CACNB2: variants seen among roughly 807,000 people sequenced by gnomAD.
The protein encoded by CACNB2 is voltage-dependent L-type calcium channel subunit beta-2.
Under a neutral mutation model 73.3 loss-of-function variants are expected in CACNB2, and 42 were observed. The ratio of observed to expected loss-of-function variants is 0.57; its 90% CI spans 0.45 to 0.74. CACNB2 has a LOEUF of 0.74. Among genes scored for constraint, CACNB2 ranks in the 30% least tolerant of loss-of-function variants. CACNB2 has a pLI of 0.00. For synonymous variants in CACNB2, 348 were observed against 310.3 expected, an observed-to-expected ratio of 1.12 and a Z score of -1.28; for missense variants, 940 against 853.0, an observed-to-expected ratio of 1.10 and a Z score of -1.27.
intron 2 of CACNB2, among the ~76,000 whole-genome samples, chr10:18,303,992 G>A (rs2039629998): frequency 6.6e-6 from 1 of 152,314 alleles, no homozygotes; most frequent in East Asian, 1.9e-4. Context: ...GTCTTGCTCT[G>A]TCATCCAGGC....
chr10:18,375,323 C>T (rs1327801389), intron 2 of CACNB2, among the ~76,000 whole-genome samples: 2 of 152,186 alleles, frequency 1.3e-5, no homozygotes, highest in Admixed American at 1.3e-4. Flanking sequence ...GAAAAAGATA[C>T]ATGTATCTTT....
intron 3 of CACNB2, among the ~76,000 whole-genome samples, chr10:18,456,871 A>G (rs76875326): frequency 0.051 from 7,768 of 152,164 alleles, 274 homozygotes; most frequent in East Asian, 0.1. Flanking sequence ...ATATACCACA[A>G]TTGGGTTTAT....
chr10:18,237,902 T>C (rs879601900), intron 2 of CACNB2, among the ~76,000 whole-genome samples: 2 of 152,244 alleles, frequency 1.3e-5, no homozygotes, highest in Non-Finnish European at 2.9e-5. Context: ...TTTGCTATGC[T>C]AACAAGGCTG....
In CACNB2 at chr10:18,518,399, T is replaced by G. The variant is rs1206843343; in HGVS notation, c.868T>G (p.Ser290Ala). 10 of 1,611,352 alleles carry G rather than the reference T, an allele frequency of 6.2e-6. No individual in the cohort carries two copies. Among genetic ancestry groups the G allele is most frequent in the Non-Finnish European group, 8.5e-6 (10 of 1,177,540 alleles). The stretch of plus-strand genomic sequence containing the variant: ...GCGACCAGTGGTCCTAGTGGGCCCT[T>G]CTCTGAAGGGCTACGAGGTGGGTAG... ...SMRPVVLVGP[S>A]LKGYEVTDMM... The change falls in exon 8 of 14, where the codon TCT (serine) becomes GCT (alanine). Residue 290 changes from serine (S) to alanine (A), a missense_variant. Transcript: ENST00000324631.
At chr10:18,157,079 GT>G (rs920932991) in intron 2 of CACNB2, among the ~76,000 whole-genome samples, 65 of 143,216 alleles carry the variant, frequency 4.5e-4, no homozygotes, top group African/African-American at 1.6e-3. Flanking sequence ...AAAAAAAAAA[GT>G]GAACTGTGGT....
intron 7 of CACNB2, among the ~76,000 whole-genome samples, chr10:18,515,326 CT>C (rs1009110137): frequency 2.0e-5 from 2 of 99,116 alleles, no homozygotes; most frequent in African/African-American, 7.9e-5. Flanking sequence ...CCAAATTTCC[CT>C]TTTTTTCCCC....
Position 18,218,591 on chromosome 10 carries a change from A to T in CACNB2, c.213+67616A>T, listed in dbSNP as rs116695210. Among the ~76,000 whole-genome samples the T allele has an allele frequency of 1.5e-3, 234 of 152,316 alleles. 2 individuals carry two copies. Among genetic ancestry groups the T allele is most frequent in the African/African-American group, 5.4e-3 (226 of 41,580 alleles). ...GTCTGAAATTTATCTGCTATTCAAA[A>T]TACTTCTGGGCAGGGCACAGTGGCT... On this transcript the variant is annotated intron_variant, in intron 2 of 13. Transcript: ENST00000324631.
Position 18,286,598 on chromosome 10 carries a change from C to T in CACNB2, c.214-115326C>T, listed in dbSNP as rs906621118. ...TTATCATGTTATCTATCTAACCATCCGTCATCAATCTTAATGTTTTTATGC... is the reference window on the plus strand; with the variant it reads ...TTATCATGTTATCTATCTAACCATCTGTCATCAATCTTAATGTTTTTATGC... On this transcript the variant is annotated intron_variant, in intron 2 of 13. Transcript: ENST00000324631. Among the ~76,000 whole-genome samples, 9 of 149,642 alleles carry T rather than the reference C, an allele frequency of 6.0e-5. No individual in the cohort carries two copies. The East Asian group carries it at 7.9e-4, about 13-fold the overall frequency.
intron 2 of CACNB2, among the ~76,000 whole-genome samples, chr10:18,275,004 T>A (rs193279933): frequency 4.6e-5 from 7 of 152,346 alleles, no homozygotes; most frequent in Admixed American, 1.3e-4. Flanking sequence ...TGATTTGGAC[T>A]CTACTCCACA....
intron 2 of CACNB2, among the ~76,000 whole-genome samples, chr10:18,171,633 T>TACACATCACCGTTC (rs1554764742): frequency 5.9e-4 from 89 of 150,012 alleles, no homozygotes; most frequent in African/African-American, 2.1e-3. Context: ...TCACTTAGTT[T>TACACATCACCGTTC]ACACACCACC....
chr10:18,307,810 C>T (rs1179995727), intron 2 of CACNB2, among the ~76,000 whole-genome samples: 1 of 151,892 alleles, frequency 6.6e-6, no homozygotes, highest in Non-Finnish European at 1.5e-5. Flanking sequence ...TAAAAATGTT[C>T]AAATCAATGA....
intron 2 of CACNB2, among the ~76,000 whole-genome samples, chr10:18,205,706 G>C (rs1250139510): frequency 1.3e-5 from 2 of 152,172 alleles, no homozygotes; most frequent in Non-Finnish European, 2.9e-5. Flanking sequence ...TCCTTGGCCT[G>C]ATCTTCAATT....
At chr10:18,277,836 T>C (rs1026759335) in intron 2 of CACNB2, among the ~76,000 whole-genome samples, 2 of 152,230 alleles carry the variant, frequency 1.3e-5, no homozygotes, top group African/African-American at 4.8e-5. Context: ...ATTTTTTTCT[T>C]TTTTAAAAAA....
intron 3 of CACNB2, among the ~76,000 whole-genome samples, chr10:18,464,344 C>T (rs553329332): frequency 2.1e-5 from 3 of 141,968 alleles, no homozygotes; most frequent in East Asian, 4.1e-4. Flanking sequence ...CTAAGGAGGT[C>T]GAGGCTGCAG....
intron 4 of CACNB2, chr10:18,498,688 C>T (rs2049988324): frequency 1.8e-6 from 1 of 553,704 alleles, no homozygotes; most frequent in Admixed American, 2.9e-5. Context: ...GCAATAACTT[C>T]AGCGCTCCCT....
intron 2 of CACNB2, among the ~76,000 whole-genome samples, chr10:18,348,684 G>A (rs1179398526): frequency 6.6e-6 from 1 of 152,092 alleles, no homozygotes; most frequent in East Asian, 1.9e-4. Flanking sequence ...TGTATTTTTA[G>A]TAGAGATGGT....
rs1468864026 is a variant in CACNB2 at position 18,307,007 on chromosome 10, G to GAA, written c.214-94915_214-94914dup. On this transcript the variant is annotated intron_variant, in intron 2 of 13. Coordinates refer to ENST00000324631, the MANE Select transcript of CACNB2 (RefSeq NM_201596.3). ...GTCTGTCAGTTCCTGGTTAGGAAGT[G>GAA]AAAGTTCCTCTAGAAGAGGAAAGAC... 2.6e-5 allele frequency among the ~76,000 whole-genome samples: 4 copies of GAA among 152,198 alleles called. No homozygotes were observed. The East Asian group carries it at 7.7e-4, about 29-fold the overall frequency.
At chr10:18,462,854 GT>G (rs1464004661) in intron 3 of CACNB2, among the ~76,000 whole-genome samples, 1 of 152,032 alleles carries the variant, frequency 6.6e-6, no homozygotes, top group African/African-American at 2.4e-5. Context: ...CACCTCCCAG[GT>G]TCAAGAGATT....
chr10:18,387,709 T>A (rs2043292477), intron 2 of CACNB2, among the ~76,000 whole-genome samples: 1 of 151,908 alleles, frequency 6.6e-6, no homozygotes, highest in African/African-American at 2.4e-5. Flanking sequence ...GTCACCCTCG[T>A]GCAAGTCAAC....
Sources: gnomAD v4.1 joint callset for allele counts (sites outside exome capture counted in the v4.1 genomes callset) on GRCh38, gnomAD v4.1.1 for gene constraint, MANE v1.5 for transcripts, NCBI Gene and HGNC (gene_info 2026-07-23, HGNC 2026-07-21) for gene names.